UBR3: variants seen among roughly 807,000 people sequenced by gnomAD.
The protein encoded by UBR3 is E3 ubiquitin-protein ligase UBR3.
A neutral mutation model predicts 243.2 loss-of-function variants in UBR3; 85 were observed. The observed-to-expected ratio is 0.35, with a 90% CI of 0.29 to 0.42. The LOEUF (loss-of-function observed/expected upper bound fraction) is 0.42, where lower values mean the gene tolerates loss of function less well. UBR3 is among the 10% of genes least tolerant of loss of function. The pLI is 1.00. For synonymous variants in UBR3, 748 were observed against 799.8 expected, an observed-to-expected ratio of 0.94 and a Z score of 1.09; for missense variants, 1,686 against 2,300.8, an observed-to-expected ratio of 0.73 and a Z score of 5.47.
At chr2:170,065,434 G>A (rs185203963) in intron 35 of UBR3, among the ~76,000 whole-genome samples, 118 of 151,962 alleles carry the variant, frequency 7.8e-4, no homozygotes, top group African/African-American at 2.6e-3. Context: ...TTACAGGTGC[G>A]CACCACCGCA....
chr2:169,987,885 G>T (rs1050021887), intron 25 of UBR3, among the ~76,000 whole-genome samples: 2 of 151,864 alleles, frequency 1.3e-5, no homozygotes, highest in African/African-American at 2.4e-5. Flanking sequence ...GGCCAAATAT[G>T]TTTTTTTCTT....
chr2:170,065,535 C>T (rs1041950157), intron 35 of UBR3, among the ~76,000 whole-genome samples: 3 of 152,124 alleles, frequency 2.0e-5, no homozygotes, highest in Admixed American at 6.6e-5. Flanking sequence ...TCAAGTGATC[C>T]ACCCCCCTCA....
chr2:169,889,066 T>C (rs1030522851), intron 5 of UBR3, among the ~76,000 whole-genome samples: 1 of 152,242 alleles, frequency 6.6e-6, no homozygotes, highest in Admixed American at 6.5e-5. Context: ...GAAATTTTAC[T>C]ACTCTATATT....
chr2:169,994,502 G>A (rs1386012306), intron 26 of UBR3, 46 bp downstream of exon 26: 1 of 1,554,212 alleles, frequency 6.4e-7, no homozygotes, highest in African/African-American at 1.4e-5. Flanking sequence ...CAAGTTGATG[G>A]TTATTTCCCT....
chr2:169,844,007 CTTT>C (rs11421686), intron 1 of UBR3, among the ~76,000 whole-genome samples: 1 of 134,084 alleles, frequency 7.5e-6, no homozygotes. Context: ...TTTCTCTTTA[CTTT>C]TTTTTTTTTT....
chr2:169,920,007 A>T (rs2085627703), intron 11 of UBR3, among the ~76,000 whole-genome samples: 1 of 152,212 alleles, frequency 6.6e-6, no homozygotes, highest in South Asian at 2.1e-4. Flanking sequence ...AGACACATGC[A>T]CACGTATGTT....
At chr2:169,990,917 A>T (rs1032140748) in intron 25 of UBR3, among the ~76,000 whole-genome samples, 2 of 152,090 alleles carry the variant, frequency 1.3e-5, no homozygotes, top group Admixed American at 6.5e-5. Flanking sequence ...TAAACTGCCC[A>T]GGTAAAAGGC....
chr2:170,080,443 T>C, intron 37 of UBR3, 102 bp from the exon 38 acceptor site: 1 of 1,170,398 alleles, frequency 8.5e-7, no homozygotes. Context: ...AATCTTACTA[T>C]TTTTAAATCA....
chr2:169,879,110 A>G (rs1045279889), intron 5 of UBR3, among the ~76,000 whole-genome samples: 2 of 151,976 alleles, frequency 1.3e-5, no homozygotes, highest in East Asian at 3.9e-4. Context: ...ATAAATAGGA[A>G]AAATCATTGT....
At chr2:170,008,989 G>T in intron 29 of UBR3, 49 bp downstream of exon 29, 2 of 1,163,850 alleles carry the variant, frequency 1.7e-6, no homozygotes, top group South Asian at 2.1e-5. Context: ...ATTAATAGTT[G>T]ATTTTATTAT....
Position 169,937,021 on chromosome 2 carries a change from C to G in UBR3, c.2663+4013C>G, listed in dbSNP as rs143082766. 8.1e-3 allele frequency among the ~76,000 whole-genome samples: 1,241 copies of G among 152,282 alleles called. 11 individuals carry two copies. The highest frequency in any genetic ancestry group is 0.044 in the Middle Eastern group (13 of 294). On this transcript the variant is annotated intron_variant, in intron 19 of 38. Coordinates refer to ENST00000272793, the MANE Select transcript of UBR3 (RefSeq NM_172070.4). The stretch of plus-strand genomic sequence containing the variant: ...CTTTATAGCAGCATGATTTATAACC[C>G]TTTGGGTATATACCCAGTAATAGGA...
At chr2:170,015,726 CTAT>C (rs1353780255) in intron 30 of UBR3, among the ~76,000 whole-genome samples, 1 of 151,794 alleles carries the variant, frequency 6.6e-6, no homozygotes, top group African/African-American at 2.4e-5. Context: ...CCACAGATTT[CTAT>C]TATATTATTG....
rs1337214691 is a variant in UBR3, at chr2:170,007,153, A to G, written c.4193A>G (p.Glu1398Gly). The G allele has an allele frequency of 6.2e-7, 1 of 1,611,848 alleles. No individual in the cohort carries two copies. Among genetic ancestry groups the G allele is most frequent in the Non-Finnish European group, 8.5e-7 (1 of 1,179,052 alleles). ...SNKSIQDLIKEVEELQGRPGA... is the reference protein window; with the variant it reads ...SNKSIQDLIKGVEELQGRPGA... ...AAAAGCATACAAGATCTCATAAAGG[A>G]AGTGGAGGAGCTGCAGGGACGACCG... Residue 1398 changes from glutamate to glycine, a missense_variant, in exon 28 of 39, where the codon GAA becomes GGA. Coordinates refer to ENST00000272793, the MANE Select transcript of UBR3 (RefSeq NM_172070.4).
At chr2:169,835,422 C>T (rs1024619826) in intron 1 of UBR3, among the ~76,000 whole-genome samples, 1 of 152,150 alleles carries the variant, frequency 6.6e-6, no homozygotes, top group Non-Finnish European at 1.5e-5. Context: ...ACCAATACTA[C>T]ACCTAAAATA....
chr2:170,019,699 G>A (rs2090337834), intron 30 of UBR3, among the ~76,000 whole-genome samples: 2 of 152,002 alleles, frequency 1.3e-5, no homozygotes, highest in Non-Finnish European at 2.9e-5. Context: ...AAAAATTATA[G>A]AAAATTATTT....
intron 29 of UBR3, among the ~76,000 whole-genome samples, chr2:170,013,580 A>T (rs2090147593): frequency 6.6e-6 from 1 of 152,180 alleles, no homozygotes; most frequent in Non-Finnish European, 1.5e-5. Context: ...ATTAGATTTT[A>T]CTAGTTTTTT....
chr2:169,976,496 C>T (rs186252592), intron 24 of UBR3, among the ~76,000 whole-genome samples: 2 of 152,104 alleles, frequency 1.3e-5, no homozygotes, highest in African/African-American at 4.8e-5. Context: ...CTTTATTTCT[C>T]CATTATTTCT....
chr2:170,067,724 T>C (rs2091607003), intron 35 of UBR3, among the ~76,000 whole-genome samples: 1 of 151,870 alleles, frequency 6.6e-6, no homozygotes, highest in African/African-American at 2.4e-5. Context: ...ATAAGCATCA[T>C]AATTCTAAGT....
intron 5 of UBR3, among the ~76,000 whole-genome samples, chr2:169,890,392 A>G (rs551225057): frequency 6.6e-6 from 1 of 151,794 alleles, no homozygotes; most frequent in East Asian, 1.9e-4. Context: ...CTGGGCCTGC[A>G]AATGATCTTC....
Sources: allele counts gnomAD v4.1 joint callset (sites outside exome capture counted in the v4.1 genomes callset), GRCh38; gene constraint gnomAD v4.1.1; transcripts MANE v1.5; gene names NCBI Gene and HGNC (gene_info 2026-07-23, HGNC 2026-07-21).